PRKCA: variants seen among roughly 807,000 people sequenced by gnomAD.
PRKCA encodes the protein protein kinase C alpha.
A neutral mutation model predicts 87.0 loss-of-function variants in PRKCA; 27 were observed. The ratio of observed to expected loss-of-function variants is 0.31; its 90% CI spans 0.23 to 0.43. The LOEUF is 0.43. Ranked by LOEUF, PRKCA falls within the 20% of genes least tolerant of loss-of-function variation. PRKCA has a pLI of 1.00. For synonymous variants in PRKCA, 329 were observed against 311.1 expected (o/e 1.06, Z -0.61); for missense variants, 518 against 852.3 (o/e 0.61, Z 4.88).
rs752579453 is a variant in PRKCA, at chr17:66,563,998, CCTTCCTCCTTT to C, written c.288+67719_288+67729del. Among the ~76,000 whole-genome samples the C allele has an allele frequency of 9.1e-3, 1,284 of 141,670 alleles. 19 individuals are homozygous for C. Among genetic ancestry groups the C allele is most frequent in the African/African-American group, 0.028 (1,011 of 35,956 alleles). 92.9% of individuals were successfully genotyped at this position (141,670 alleles called of 152,430 possible). On this transcript the variant is annotated intron_variant, in intron 3 of 16. Transcript: ENST00000413366. ...TCCTTCCTTCCTTCCTTCCTTCCTT[CCTTCCTCCTTT>C]CTTTCTCTCTCTCTTTCTTTCTTCC...
intron 13 of PRKCA, among the ~76,000 whole-genome samples, chr17:66,751,801 G>GA (rs982950046): frequency 7.2e-5 from 11 of 152,226 alleles, no homozygotes; most frequent in African/African-American, 2.6e-4. Context: ...GCTAGGGGGG[G>GA]TCTCAGGAAA....
At chr17:66,562,098 TA>T (rs1396310092) in intron 3 of PRKCA, among the ~76,000 whole-genome samples, 5 of 113,500 alleles carry the variant, frequency 4.4e-5, no homozygotes, top group South Asian at 2.8e-4. Context: ...TAAATATATA[TA>T]ATTAAATTAT....
At chr17:66,729,780 C>CTTTTTTTTTTT (rs60247180) in intron 8 of PRKCA, among the ~76,000 whole-genome samples, 2 of 105,104 alleles carry the variant, frequency 1.9e-5, no homozygotes, top group African/African-American at 3.8e-5. Flanking sequence ...GCGAGTTATT[C>CTTTTTTTTTTT]TTTTTTTTTT....
intron 3 of PRKCA, among the ~76,000 whole-genome samples, chr17:66,613,822 C>G (rs1440785903): frequency 9.1e-6 from 1 of 110,008 alleles, no homozygotes; most frequent in East Asian, 3.1e-4. Context: ...GAGTCTTGCT[C>G]TGTCACCCAA....
chr17:66,458,064 C>T (rs969228527), intron 2 of PRKCA, among the ~76,000 whole-genome samples: 1 of 152,184 alleles, frequency 6.6e-6, no homozygotes, highest in Non-Finnish European at 1.5e-5. Flanking sequence ...AGGAGTATGA[C>T]CTTCACAAAG....
At chr17:66,550,672 G>C (rs1968298520) in intron 3 of PRKCA, among the ~76,000 whole-genome samples, 1 of 151,940 alleles carries the variant, frequency 6.6e-6, no homozygotes, top group Non-Finnish European at 1.5e-5. Context: ...CAATCAATAA[G>C]GCTCTGGGAA....
intron 2 of PRKCA, among the ~76,000 whole-genome samples, chr17:66,465,573 T>TTC (rs1319401075): frequency 2.6e-4 from 39 of 151,706 alleles, no homozygotes; most frequent in African/African-American, 9.5e-4. Context: ...TTTTTTTTTT[T>TTC]TTTTAAGTAG....
At chr17:66,409,242 G>A (rs926665351) in intron 2 of PRKCA, among the ~76,000 whole-genome samples, 3 of 151,964 alleles carry the variant, frequency 2.0e-5, no homozygotes, top group African/African-American at 7.3e-5. Context: ...TTAGGGGTTC[G>A]TTCTCCCTTT....
chr17:66,669,023 G>A (rs1235586260), intron 5 of PRKCA, among the ~76,000 whole-genome samples: 1 of 151,900 alleles, frequency 6.6e-6, no homozygotes, highest in Non-Finnish European at 1.5e-5. Flanking sequence ...GGATTGTGGA[G>A]CCCATGAGTT....
intron 1 of PRKCA, among the ~76,000 whole-genome samples, chr17:66,304,524 C>T (rs1283147159): frequency 2.0e-5 from 3 of 152,156 alleles, no homozygotes; most frequent in Non-Finnish European, 2.9e-5. Context: ...CACAGGGTGG[C>T]AGTCACGGAG....
chr17:66,424,168 T>G (rs555891032), intron 2 of PRKCA, among the ~76,000 whole-genome samples: 140 of 152,310 alleles, frequency 9.2e-4, no homozygotes, highest in Non-Finnish European at 1.7e-3. Flanking sequence ...TTTGAATATC[T>G]TTCTGGAGAA....
At chr17:66,698,266 C>G (rs1477950236) in intron 8 of PRKCA, among the ~76,000 whole-genome samples, 2 of 152,068 alleles carry the variant, frequency 1.3e-5, no homozygotes, top group African/African-American at 4.8e-5. Context: ...TTCCAGAAAG[C>G]AACTACTAAA....
At chr17:66,786,730 A>C in intron 14 of PRKCA, 137 bp from the exon 15 acceptor site, 1 of 623,600 alleles carries the variant, frequency 1.6e-6, no homozygotes, top group Non-Finnish European at 2.8e-6. Flanking sequence ...CCGTCAAGTT[A>C]GCTGAGCAAA....
In PRKCA at chr17:66,347,223, C is replaced by CA. The variant is rs563463213; in HGVS notation, c.205+41104dup. Among the ~76,000 whole-genome samples the CA allele has an allele frequency of 3.2e-3, 484 of 151,984 alleles. 1 individual carries two copies. The highest frequency in any genetic ancestry group is 0.011 in the African/African-American group (465 of 41,464). Reference sequence around the variant, plus strand: ...TTATGAAAAAGGACATTTTCCCTAACAAAAAAAATTTAGTGGGAAGAGTGG... The same window carrying CA: ...TTATGAAAAAGGACATTTTCCCTAACAAAAAAAAATTTAGTGGGAAGAGTGG... On this transcript the variant is annotated intron_variant, in intron 2 of 16. Transcript: ENST00000413366.
At chr17:66,747,595 C>T (rs890756761) in intron 13 of PRKCA, among the ~76,000 whole-genome samples, 5 of 152,172 alleles carry the variant, frequency 3.3e-5, no homozygotes, top group Non-Finnish European at 5.9e-5. Flanking sequence ...GATTTGGATC[C>T]GAGATGTTCT....
At chr17:66,771,796 A>G (rs1476280532) in intron 13 of PRKCA, among the ~76,000 whole-genome samples, 1 of 152,086 alleles carries the variant, frequency 6.6e-6, no homozygotes, top group Non-Finnish European at 1.5e-5. Flanking sequence ...GGGTTTTACC[A>G]TGTTGTCCAG....
At chr17:66,541,618 G>A (rs903262128) in intron 3 of PRKCA, among the ~76,000 whole-genome samples, 4 of 152,222 alleles carry the variant, frequency 2.6e-5, no homozygotes, top group African/African-American at 9.6e-5. Context: ...CAGAGCTGAC[G>A]TCCAGTCCAC....
At position 66,803,757 on chromosome 17, in the gene PRKCA, C is replaced by T; in HGVS notation, c.1855-116C>T. 7.0e-7 allele frequency: 1 copy of T among 1,424,600 alleles called. No homozygotes were observed. Among genetic ancestry groups the T allele is most frequent in the Non-Finnish European group, 9.4e-7 (1 of 1,062,976 alleles). The allele number at this position is 1,424,600 out of a possible 1,614,324, so 88.2% of individuals were successfully genotyped here. ...CTGCAAGTCCTCCGAGATTCCTCCT[C>T]CTAACCAGCCCGGAGTTCCCCAGGG... On this transcript the variant is annotated intron_variant, in intron 16 of 16. Transcript: ENST00000413366. This position sits in a 1 kb window ranked among gnomAD's most constrained non-coding sequence, Gnocchi z 4.4.
At chr17:66,553,945 A>T (rs1968419085) in intron 3 of PRKCA, among the ~76,000 whole-genome samples, 1 of 152,206 alleles carries the variant, frequency 6.6e-6, no homozygotes, top group South Asian at 2.1e-4. Flanking sequence ...TTGGGGTAGA[A>T]TTCAGACAGG....
Sources: gnomAD v4.1 joint callset for allele counts (sites outside exome capture counted in the v4.1 genomes callset) on GRCh38, gnomAD v4.1.1 for gene constraint, Gnocchi (gnomAD v3.1) non-coding constraint, MANE v1.5 for transcripts, NCBI Gene and HGNC (gene_info 2026-07-23, HGNC 2026-07-21) for gene names.